Variants in DLGAP1 observed in about 807,000 individuals in gnomAD.
DLGAP1 encodes the protein disks large-associated protein 1.
In DLGAP1, 11 loss-of-function variants were observed where a neutral mutation model predicts 90.8. That is an observed-to-expected ratio of 0.12 (90% CI 0.08 to 0.20). The LOEUF (loss-of-function observed/expected upper bound fraction) is 0.20, where lower values mean the gene tolerates loss of function less well. Among genes scored for constraint, DLGAP1 ranks in the 10% least tolerant of loss-of-function variants. DLGAP1 has a pLI of 1.00. For missense variants in DLGAP1, 1,050 were observed against 1,333.8 expected (o/e 0.79, Z 3.31); for synonymous variants, 558 against 540.7 (o/e 1.03, Z -0.44).
chr18:3,728,284 T>G (rs2062262365), intron 7 of DLGAP1, among the ~76,000 whole-genome samples: 1 of 144,712 alleles, frequency 6.9e-6, no homozygotes, highest in South Asian at 2.2e-4. Context: ...GGGATTTTCT[T>G]TTTGGAACGC....
At chr18:4,045,333 T>C (rs2075033383) in intron 2 of DLGAP1, among the ~76,000 whole-genome samples, 1 of 150,084 alleles carries the variant, frequency 6.7e-6, no homozygotes, top group Admixed American at 6.8e-5. Context: ...CTTTTAGTAA[T>C]TCTTGATCAT....
chr18:3,998,460 G>T (rs759198594), intron 3 of DLGAP1, among the ~76,000 whole-genome samples: 1 of 149,838 alleles, frequency 6.7e-6, no homozygotes, highest in African/African-American at 2.5e-5. Flanking sequence ...TTCCAGGTCC[G>T]TCTTGTACAC....
At chr18:3,794,660 T>C (rs545217909) in intron 5 of DLGAP1, among the ~76,000 whole-genome samples, 16 of 152,300 alleles carry the variant, frequency 1.1e-4, no homozygotes, top group Middle Eastern at 3.4e-3. Flanking sequence ...TGTGGGACCA[T>C]ACGTAGCCAC....
At chr18:3,603,425 A>G (rs1346833667) in intron 7 of DLGAP1, 1 of 152,168 alleles carries the variant, frequency 6.6e-6, no homozygotes, top group Non-Finnish European at 1.5e-5. Context: ...AAAACAGCAA[A>G]AAGTTTTCCA....
intron 9 of DLGAP1, among the ~76,000 whole-genome samples, chr18:3,536,421 G>C (rs999745895): frequency 6.6e-6 from 1 of 151,762 alleles, no homozygotes; most frequent in Non-Finnish European, 1.5e-5. Flanking sequence ...TCGGGGTTTT[G>C]CCAAGTTGGC....
chr18:4,088,072 T>C (rs2075713287), intron 2 of DLGAP1, among the ~76,000 whole-genome samples: 1 of 141,170 alleles, frequency 7.1e-6, no homozygotes. Context: ...CTTGTTTATG[T>C]TTCTTAAACA....
chr18:4,032,856 C>T (rs2074820157), intron 2 of DLGAP1, among the ~76,000 whole-genome samples: 2 of 152,160 alleles, frequency 1.3e-5, no homozygotes, highest in Admixed American at 6.5e-5. Flanking sequence ...TCTCTGTAAG[C>T]TTCTTGATGA....
At chr18:4,373,498 G>C (rs1251531397) in intron 1 of DLGAP1, among the ~76,000 whole-genome samples, 1 of 152,136 alleles carries the variant, frequency 6.6e-6, no homozygotes, top group African/African-American at 2.4e-5. Context: ...GGCCACCACT[G>C]TTTGCACCTG....
intron 4 of DLGAP1, among the ~76,000 whole-genome samples, chr18:3,858,545 C>CAT (rs766573998): frequency 1.5e-3 from 226 of 149,460 alleles, no homozygotes; most frequent in African/African-American, 3.3e-3. Flanking sequence ...CACACACACA[C>CAT]ATATATATAT....
At chr18:4,160,146 C>G (rs187426606) in intron 1 of DLGAP1, among the ~76,000 whole-genome samples, 1 of 152,122 alleles carries the variant, frequency 6.6e-6, no homozygotes, top group Non-Finnish European at 1.5e-5. Flanking sequence ...AATAAAAATC[C>G]TTTTCCCTAA....
At chr18:3,869,970 AGTAGAGCCCAAAGTCAT>A (rs1304016315) in intron 4 of DLGAP1, among the ~76,000 whole-genome samples, 1 of 152,226 alleles carries the variant, frequency 6.6e-6, no homozygotes, top group African/African-American at 2.4e-5. Context: ...AGAAGTGCTA[AGTAGAGCCCAAAGTCAT>A]GTAGCAAGCC....
intron 9 of DLGAP1, among the ~76,000 whole-genome samples, chr18:3,535,932 G>A (rs1166709180): frequency 1.3e-5 from 2 of 152,002 alleles, no homozygotes; most frequent in Non-Finnish European, 2.9e-5. Context: ...CTACTCAGGA[G>A]GCTGAGGCAG....
At chr18:4,114,136 G>T (rs570701430) in intron 2 of DLGAP1, among the ~76,000 whole-genome samples, 3 of 145,936 alleles carry the variant, frequency 2.1e-5, no homozygotes, top group East Asian at 2.0e-4. Flanking sequence ...TTTTAGAATG[G>T]TTTTTTGTCT....
intron 7 of DLGAP1, among the ~76,000 whole-genome samples, chr18:3,696,054 G>C (rs1449993296): frequency 6.6e-6 from 1 of 152,206 alleles, no homozygotes; most frequent in Non-Finnish European, 1.5e-5. Context: ...TTTGTATCCT[G>C]AGTCTTTGCT....
At chr18:3,734,504 C>G (rs369704305) in intron 6 of DLGAP1, among the ~76,000 whole-genome samples, 2 of 151,858 alleles carry the variant, frequency 1.3e-5, no homozygotes, top group African/African-American at 4.8e-5. Flanking sequence ...TTTTACTAAC[C>G]TACTTTCTAA....
At chr18:4,255,458 C>A (rs2078868771) in intron 1 of DLGAP1, among the ~76,000 whole-genome samples, 2 of 148,530 alleles carry the variant, frequency 1.3e-5, no homozygotes, top group Non-Finnish European at 1.5e-5. Context: ...GTATATACAG[C>A]CAAAAGAGAG....
chr18:3,754,631 C>G (rs138515850), intron 5 of DLGAP1, among the ~76,000 whole-genome samples: 2,907 of 150,724 alleles, frequency 0.019, 51 homozygotes, highest in Middle Eastern at 0.088. Flanking sequence ...TGTAATCCTA[C>G]CACTCTGGGA....
chr18:3,568,277 T>C (rs1030890711), intron 8 of DLGAP1, among the ~76,000 whole-genome samples: 7 of 152,180 alleles, frequency 4.6e-5, no homozygotes, highest in African/African-American at 1.7e-4. Context: ...TTGTTGACAT[T>C]GGGAGATTTA....
chr18:4,081,697 T>C (rs564612314), intron 2 of DLGAP1, among the ~76,000 whole-genome samples: 1 of 152,222 alleles, frequency 6.6e-6, no homozygotes, highest in South Asian at 2.1e-4. Context: ...AGTCTGTCAA[T>C]GCACCAGGAC....
Sources: allele counts gnomAD v4.1 joint callset (sites outside exome capture counted in the v4.1 genomes callset), GRCh38; gene constraint gnomAD v4.1.1; transcripts MANE v1.5; gene names NCBI Gene and HGNC (gene_info 2026-07-23, HGNC 2026-07-21).